MGMT: variants seen among roughly 807,000 people sequenced by gnomAD.
MGMT encodes O-6-methylguanine-DNA methyltransferase, also known as methylated-DNA--protein-cysteine methyltransferase.
MGMT carries 14 observed loss-of-function variants against 15.9 expected under a neutral mutation model. That is an observed-to-expected ratio of 0.88 (90% CI 0.58 to 1.37). MGMT has a LOEUF of 1.37. Ranked by LOEUF, MGMT falls within the 40% of genes most tolerant of loss-of-function variation. The pLI, the probability that MGMT is intolerant of heterozygous loss-of-function variation, is 0.00. For missense variants in MGMT, 282 were observed against 268.1 expected, an observed-to-expected ratio of 1.05 and a Z score of -0.36; for synonymous variants, 130 against 118.2, an observed-to-expected ratio of 1.10 and a Z score of -0.65.
intron 2 of MGMT, among the ~76,000 whole-genome samples, chr10:129,696,717 G>T (rs975726206): frequency 1.3e-5 from 2 of 152,246 alleles, no homozygotes; most frequent in Non-Finnish European, 2.9e-5. Flanking sequence ...TGCTGGGTCG[G>T]AGCCGAGGGC....
In MGMT at chr10:129,737,316, G is replaced by A. The variant is rs373850347; in HGVS notation, c.275-21886G>A. On this transcript the variant is annotated intron_variant, in intron 3 of 4. Transcript: ENST00000651593. Reference sequence around the variant, plus strand: ...CATTTCATTCATTTCATCTTCCATCGCTGATACCCTTTCTTCCAGTTGATT... The same window carrying A: ...CATTTCATTCATTTCATCTTCCATCACTGATACCCTTTCTTCCAGTTGATT... 3.5e-3 allele frequency among the ~76,000 whole-genome samples: 533 copies of A among 151,816 alleles called. 3 individuals are homozygous for A. Among genetic ancestry groups the A allele is most frequent in the Middle Eastern group, 0.02 (6 of 294 alleles).
intron 1 of MGMT, among the ~76,000 whole-genome samples, chr10:129,526,877 C>A (rs1845876467): frequency 6.6e-6 from 1 of 152,174 alleles, no homozygotes; most frequent in African/African-American, 2.4e-5. Flanking sequence ...CCTCTGGCGC[C>A]AACTGCTTAA....
At chr10:129,578,727 C>T (rs1212701422) in intron 2 of MGMT, among the ~76,000 whole-genome samples, 1 of 152,180 alleles carries the variant, frequency 6.6e-6, no homozygotes, top group African/African-American at 2.4e-5. Context: ...CTTTCACATC[C>T]TGGGAACTTA....
intron 2 of MGMT, among the ~76,000 whole-genome samples, chr10:129,616,977 TGTTTTTTAGATTCAGGG>T (rs1328570761): frequency 1.3e-5 from 2 of 152,222 alleles, no homozygotes; most frequent in African/African-American, 2.4e-5. Flanking sequence ...TTATGTAACT[TGTTTTTTAGATTCAGGG>T]GTACATGTGC....
chr10:129,542,840 G>A (rs895401652), intron 2 of MGMT, among the ~76,000 whole-genome samples: 1 of 152,194 alleles, frequency 6.6e-6, no homozygotes, highest in Non-Finnish European at 1.5e-5. Flanking sequence ...GGTGAGGCCT[G>A]TCCACGCTGA....
chr10:129,518,974 C>T (rs892762805), intron 1 of MGMT, among the ~76,000 whole-genome samples: 4 of 151,872 alleles, frequency 2.6e-5, no homozygotes, highest in African/African-American at 7.3e-5. Flanking sequence ...TGTCCTGACT[C>T]TTGGGCCTGG....
intron 2 of MGMT, among the ~76,000 whole-genome samples, chr10:129,562,606 A>G (rs1006250205): frequency 6.6e-6 from 1 of 152,062 alleles, no homozygotes; most frequent in Non-Finnish European, 1.5e-5. Context: ...CCCATTACAG[A>G]TGGAATTAGG....
chr10:129,753,864 T>G (rs1254974344), intron 3 of MGMT, among the ~76,000 whole-genome samples: 5 of 152,240 alleles, frequency 3.3e-5, no homozygotes, highest in Non-Finnish European at 7.3e-5. Context: ...TGTATCCTGG[T>G]CATTTTGAAT....
intron 1 of MGMT, among the ~76,000 whole-genome samples, chr10:129,507,807 C>A (rs748819485): frequency 1.4e-4 from 21 of 152,190 alleles, no homozygotes; most frequent in Non-Finnish European, 2.6e-4. Flanking sequence ...GATGGAGAAA[C>A]CTTTCCGTCT....
Position 129,756,501 on chromosome 10 carries a change from G to A in MGMT, c.275-2701G>A, listed in dbSNP as rs193034476. Among the ~76,000 whole-genome samples the A allele has an allele frequency of 7.8e-3, 1,195 of 152,238 alleles. 7 individuals are homozygous for A. The highest frequency in any genetic ancestry group is 0.037 in the Middle Eastern group (11 of 294). The stretch of plus-strand genomic sequence containing the variant: ...TTTTTGTTTTTTGAGACGGAGTCTC[G>A]CTCTGTCGCCCAGGCTGGAGCGCAG... On this transcript the variant is annotated intron_variant, in intron 3 of 4. Coordinates refer to ENST00000651593, the MANE Select transcript of MGMT (RefSeq NM_002412.5).
chr10:129,594,881 G>C (rs1474833374), intron 2 of MGMT, among the ~76,000 whole-genome samples: 3 of 152,206 alleles, frequency 2.0e-5, no homozygotes, highest in African/African-American at 7.2e-5. Context: ...ACACATCCAG[G>C]TGACCTTCGG....
intron 1 of MGMT, among the ~76,000 whole-genome samples, chr10:129,524,736 C>T (rs916695855): frequency 8.6e-5 from 13 of 151,862 alleles, no homozygotes; most frequent in South Asian, 4.2e-4. Flanking sequence ...GGACTACAGA[C>T]GCCTGCCACC....
intron 2 of MGMT, among the ~76,000 whole-genome samples, chr10:129,554,817 A>T (rs939986790): frequency 5.3e-5 from 8 of 152,124 alleles, no homozygotes; most frequent in Non-Finnish European, 8.8e-5. Flanking sequence ...ACTTCCTGGC[A>T]TTATTACCCA....
intron 2 of MGMT, among the ~76,000 whole-genome samples, chr10:129,660,161 A>G (rs1335025728): frequency 6.6e-6 from 1 of 152,022 alleles, no homozygotes; most frequent in East Asian, 1.9e-4. Flanking sequence ...TCTCCCTGCC[A>G]ATTGTGGTTT....
chr10:129,588,455 G>T (rs1436462934), intron 2 of MGMT, among the ~76,000 whole-genome samples: 2 of 152,186 alleles, frequency 1.3e-5, no homozygotes, highest in African/African-American at 4.8e-5. Context: ...TTTATTATAT[G>T]TGGAAGTCTT....
rs117794974 is a variant in MGMT, at chr10:129,524,990, A to G, written c.-12-11251A>G. 1.4e-3 allele frequency among the ~76,000 whole-genome samples: 214 copies of G among 152,290 alleles called. 2 individuals are homozygous for G. In the East Asian group the frequency reaches 0.034, roughly 24 times the overall value. On this transcript the variant is annotated intron_variant, in intron 1 of 4. Transcript: ENST00000651593. The stretch of plus-strand genomic sequence containing the variant: ...GTTTAGCTAAACTGTCGGAATGGAT[A>G]TGGGAGTGGCAGTTATAATCTGGAA...
At chr10:129,481,234 C>A (rs931798027) in intron 1 of MGMT, among the ~76,000 whole-genome samples, 1 of 152,224 alleles carries the variant, frequency 6.6e-6, no homozygotes, top group African/African-American at 2.4e-5. Context: ...ATGTTTTACT[C>A]TTTTCTGCAG....
rs540294217 is a variant in MGMT at position 129,719,652 on chromosome 10, A to T, written c.274+11609A>T. On this transcript the variant is annotated intron_variant, in intron 3 of 4. Coordinates refer to ENST00000651593, the MANE Select transcript of MGMT (RefSeq NM_002412.5). ...AATCTCCCCTTCTTAGAAGGACACC[A>T]GTCAGATGGGATTAGGGCTACCTGA... 1.1e-4 allele frequency among the ~76,000 whole-genome samples: 17 copies of T among 152,224 alleles called. No individual in the cohort carries two copies. In the East Asian group the frequency reaches 2.5e-3, roughly 22 times the overall value.
chr10:129,633,369 G>A (rs974981223), intron 2 of MGMT, among the ~76,000 whole-genome samples: 15 of 152,128 alleles, frequency 9.9e-5, no homozygotes, highest in East Asian at 1.9e-4. Context: ...AAATGCTTCC[G>A]TTAAGTGAAA....
Sources: allele counts gnomAD v4.1 joint callset (sites outside exome capture counted in the v4.1 genomes callset), GRCh38; gene constraint gnomAD v4.1.1; transcripts MANE v1.5; gene names NCBI Gene and HGNC (gene_info 2026-07-23, HGNC 2026-07-21).